The following PTPN3 variants were observed in gnomAD, a reference collection of about 807,000 sequenced individuals.
PTPN3 encodes tyrosine-protein phosphatase non-receptor type 3.
A neutral mutation model predicts 132.7 loss-of-function variants in PTPN3; 96 were observed. That is an observed-to-expected ratio of 0.72 (90% CI 0.61 to 0.86). The LOEUF is 0.86. PTPN3 is among the 40% of genes least tolerant of loss of function. PTPN3 has a pLI of 0.00. For synonymous variants in PTPN3, 398 were observed against 429.0 expected (o/e 0.93, Z 0.89); for missense variants, 1,125 against 1,159.6 (o/e 0.97, Z 0.43).
chr9:109,532,943 G>A, the PTPN3 span: 2 of 598,822 alleles, frequency 3.3e-6, no homozygotes, highest in South Asian at 3.5e-5. Flanking sequence ...TTCTTTTCTG[G>A]GTTTTTTTTT....
chr9:109,451,654 G>T (rs1297146039), intron 5 of PTPN3, among the ~76,000 whole-genome samples: 1 of 152,222 alleles, frequency 6.6e-6, no homozygotes, highest in East Asian at 1.9e-4. Flanking sequence ...TGACAGGAAG[G>T]CTCAGCAGGA....
At chr9:109,386,801 G>C (rs1037373016) in intron 22 of PTPN3, among the ~76,000 whole-genome samples, 7 of 152,228 alleles carry the variant, frequency 4.6e-5, no homozygotes, top group Admixed American at 3.3e-4. Flanking sequence ...GGAAATGACA[G>C]GACCAGGCAA....
chr9:109,439,739 T>C (rs138678605), intron 7 of PTPN3, among the ~76,000 whole-genome samples: 1 of 152,234 alleles, frequency 6.6e-6, no homozygotes, highest in African/African-American at 2.4e-5. Flanking sequence ...TGAAACCCCA[T>C]CTCTAGTATA....
At chr9:109,528,797 T>C in the PTPN3 span, among the ~76,000 whole-genome samples, 1 of 152,004 alleles carries the variant, frequency 6.6e-6, no homozygotes, top group East Asian at 1.9e-4. Context: ...CTCCTCCTTC[T>C]TCCTTGTGTG....
Position 109,483,463 on chromosome 9 carries a change from G to A in PTPN3, c.-18+14756C>T, listed in dbSNP as rs566836944. On this transcript the variant is annotated intron_variant, in intron 1 of 25. Coordinates refer to ENST00000374541, the MANE Select transcript of PTPN3 (RefSeq NM_002829.4). ...AGGCTGTCTCAGTTCCTAGCTCTCCGGGAACTCACAAATCAATCAGAGAGA... is the reference window on the plus strand; with the variant it reads ...AGGCTGTCTCAGTTCCTAGCTCTCCAGGAACTCACAAATCAATCAGAGAGA... 3.9e-4 allele frequency among the ~76,000 whole-genome samples: 60 copies of A among 152,206 alleles called. 1 individual carries two copies. The South Asian group carries it at 0.012, about 30-fold the overall frequency.
chr9:109,484,510 A>G (rs2132108827), intron 1 of PTPN3, among the ~76,000 whole-genome samples: 1 of 152,334 alleles, frequency 6.6e-6, no homozygotes, highest in Admixed American at 6.5e-5. Context: ...ATCTGAAGTG[A>G]GGAACAGCCA....
chr9:109,457,398 T>C lies in PTPN3; in HGVS notation c.140A>G (p.Lys47Arg). Residue 47 changes from lysine to arginine, a missense_variant and splice_region_variant, in exon 3 of 26, where the codon AAA becomes AGA. Lys to Arg is a conservative substitution (Grantham distance 26). Transcript: ENST00000374541. Reference sequence around the variant, plus strand: ...CAGAAGAACCTGGCCAGTGTCTTGTTTCTAGAACAAAGGAAATTATCAAGT... The same window carrying C: ...CAGAAGAACCTGGCCAGTGTCTTGTCTCTAGAACAAAGGAAATTATCAAGT... ...DGVVQTFKVT[K>R]QDTGQVLLDM... The C allele has an allele frequency of 6.2e-7, 1 of 1,606,174 alleles. No individual in the cohort carries two copies. Among genetic ancestry groups the C allele is most frequent in the South Asian group, 1.1e-5 (1 of 88,752 alleles).
chr9:109,486,406 G>A (rs559134912), intron 1 of PTPN3, among the ~76,000 whole-genome samples: 1 of 152,138 alleles, frequency 6.6e-6, no homozygotes, highest in Non-Finnish European at 1.5e-5. Context: ...AAGCAAAAGA[G>A]GCAAATGGGA....
Position 109,404,603 on chromosome 9 carries a change from G to C in PTPN3, c.1798C>G (p.Arg600Gly). Residue 600 changes from arginine (R) to glycine (G), a missense_variant, in exon 19 of 26, where the codon CGC becomes GGC. By Grantham distance (125) the Arg-to-Gly change is moderately radical. Coordinates refer to ENST00000374541, the MANE Select transcript of PTPN3 (RefSeq NM_002829.4). ...TCAGACTTGAAGTCAGCAAATGAGC[G>C]GACAGCTGTAACGTACAAGACAGTG... ...LALVIRRRAV[R>G]SFADFKSEDE... 2 of 1,530,198 alleles carry C rather than the reference G, an allele frequency of 1.3e-6. No homozygotes were observed. Among genetic ancestry groups the C allele is most frequent in the Non-Finnish European group, 1.8e-6 (2 of 1,125,544 alleles). 94.8% of individuals were successfully genotyped at this position (1,530,198 alleles called of 1,614,324 possible).
chr9:109,515,895 C>A, the PTPN3 span, among the ~76,000 whole-genome samples: 1 of 152,318 alleles, frequency 6.6e-6, no homozygotes, highest in Non-Finnish European at 1.5e-5. Flanking sequence ...CTCCAACAAT[C>A]AGGATCAAAT....
intron 1 of PTPN3, among the ~76,000 whole-genome samples, chr9:109,474,024 G>T (rs1301495240): frequency 6.6e-6 from 1 of 151,952 alleles, no homozygotes; most frequent in African/African-American, 2.4e-5. Context: ...CGGTACCCAT[G>T]TGGATGTCTT....
At chr9:109,527,488 AAAAAT>A in the PTPN3 span, among the ~76,000 whole-genome samples, 47 of 152,362 alleles carry the variant, frequency 3.1e-4, no homozygotes, top group African/African-American at 1.1e-3. Context: ...ATAAAAATTT[AAAAAT>A]AAAATAAAAT....
intron 7 of PTPN3, among the ~76,000 whole-genome samples, chr9:109,440,865 A>C (rs1398830092): frequency 6.6e-6 from 1 of 152,154 alleles, no homozygotes; most frequent in South Asian, 2.1e-4. Flanking sequence ...TTTAAATCCT[A>C]AGCGGCCACT....
intron 5 of PTPN3, chr9:109,451,015 TTTAAG>T: frequency 1.0e-6 from 1 of 969,980 alleles, no homozygotes; most frequent in Non-Finnish European, 1.2e-6. Flanking sequence ...GGTAAAATCT[TTTAAG>T]TTTTTTTATT....
chr9:109,435,395 T>C (rs1041293117), intron 9 of PTPN3, among the ~76,000 whole-genome samples: 4 of 152,140 alleles, frequency 2.6e-5, no homozygotes, highest in Admixed American at 2.0e-4. Context: ...CCCTGCAGCT[T>C]CCTGTTCCCT....
chr9:109,499,973 C>T (rs1847838802), upstream of PTPN3, among the ~76,000 whole-genome samples: 1 of 152,216 alleles, frequency 6.6e-6, no homozygotes, highest in African/African-American at 2.4e-5. Flanking sequence ...GCCGGAGCCC[C>T]CGGAAGGAGG....
chr9:109,483,412 G>A (rs1847056536), intron 1 of PTPN3, among the ~76,000 whole-genome samples: 2 of 152,088 alleles, frequency 1.3e-5, no homozygotes, highest in African/African-American at 4.8e-5. Context: ...CCAGCTGTGA[G>A]GCAGGTGCTG....
the PTPN3 span, among the ~76,000 whole-genome samples, chr9:109,534,798 G>A: frequency 7.5e-6 from 1 of 134,066 alleles, no homozygotes; most frequent in Non-Finnish European, 1.6e-5. Context: ...GCGAGACTCC[G>A]TCTCAAAACA....
intron 5 of PTPN3, chr9:109,449,335 A>G (rs1350885151): frequency 1.0e-5 from 10 of 987,228 alleles, no homozygotes; most frequent in Non-Finnish European, 1.2e-5. Flanking sequence ...CTGTGAAGAC[A>G]CCTTCTTGGC....
Sources: gnomAD v4.1 joint callset for allele counts (sites outside exome capture counted in the v4.1 genomes callset) on GRCh38, gnomAD v4.1.1 for gene constraint, MANE v1.5 for transcripts, NCBI Gene and HGNC (gene_info 2026-07-23, HGNC 2026-07-21) for gene names.